The following SAMSN1 variants were observed in gnomAD, a reference collection of about 807,000 sequenced individuals.
SAMSN1 encodes the protein SAM domain, SH3 domain and nuclear localization signals 1.
A neutral mutation model predicts 42.0 loss-of-function variants in SAMSN1; 31 were observed. That is an observed-to-expected ratio of 0.74 (90% CI 0.55 to 1.00). The LOEUF is 1.00. SAMSN1 is among the 50% of genes least tolerant of loss of function. SAMSN1 has a pLI of 0.00. For missense variants in SAMSN1, 464 were observed against 439.4 expected (o/e 1.06, Z -0.50); for synonymous variants, 178 against 151.9 (o/e 1.17, Z -1.26).
chr21:14,648,971 G>A (rs373541557), intron 1 of SAMSN1, among the ~76,000 whole-genome samples: 267 of 149,456 alleles, frequency 1.8e-3, no homozygotes, highest in African/African-American at 5.7e-3. Flanking sequence ...ACATGCACAC[G>A]TATGTTTATT....
rs575883184 is a variant in SAMSN1 at position 14,554,070 on chromosome 21, G to A, written c.261+28066C>T. On this transcript the variant is annotated intron_variant, in intron 2 of 8. Transcript: ENST00000285670. Reference sequence around the variant, plus strand: ...ACCTTTTGTTTTCCAGGAAAATTCCGTTACTTTTTCTACTAATTACTATAA... The same window carrying A: ...ACCTTTTGTTTTCCAGGAAAATTCCATTACTTTTTCTACTAATTACTATAA... 6.6e-5 allele frequency among the ~76,000 whole-genome samples: 10 copies of A among 152,040 alleles called. 1 individual carries two copies. Among genetic ancestry groups the A allele is most frequent in the African/African-American group, 2.2e-4 (9 of 41,482 alleles).
intron 4 of SAMSN1, among the ~76,000 whole-genome samples, chr21:14,511,544 G>A (rs185390344): frequency 2.3e-4 from 35 of 152,214 alleles, no homozygotes; most frequent in Admixed American, 2.2e-3. Flanking sequence ...AGGAAAATAG[G>A]AATAAAACTC....
In SAMSN1 at chr21:14,658,747, C is replaced by T. The variant is rs1269195205; in HGVS notation, c.24+1G>A. ...TAAATGCTGCAAATAAAGGAACTTA[C>T]CAGCGAAATGCAGAAAAGATTCATT... On this transcript the variant is annotated splice_donor_variant, in intron 1 of 15. Transcript: ENST00000647101. LOFTEE classifies it high-confidence loss of function. The T allele has an allele frequency of 7.7e-5, 55 of 715,270 alleles. No individual in the cohort carries two copies. The highest frequency in any genetic ancestry group is 2.3e-4 in the Middle Eastern group (1 of 4,376). The allele number at this position is 715,270 out of a possible 1,614,324, so 44.3% of individuals were successfully genotyped here.
chr21:14,533,553 T>G (rs1979401476), intron 1 of SAMSN1, among the ~76,000 whole-genome samples: 1 of 152,226 alleles, frequency 6.6e-6, no homozygotes, highest in Non-Finnish European at 1.5e-5. Flanking sequence ...CACGTCTCTA[T>G]GTCCAGGGTC....
chr21:14,654,999 A>C (rs1256264314), intron 1 of SAMSN1, among the ~76,000 whole-genome samples: 1 of 152,000 alleles, frequency 6.6e-6, no homozygotes, highest in Non-Finnish European at 1.5e-5. Flanking sequence ...TTCCAGATGA[A>C]ATTAAAATCA....
At chr21:14,639,962 A>G (rs1426414500) in intron 2 of SAMSN1, among the ~76,000 whole-genome samples, 1 of 152,220 alleles carries the variant, frequency 6.6e-6, no homozygotes, top group Non-Finnish European at 1.5e-5. Context: ...TGCAATTAAA[A>G]TACAAACTAG....
At chr21:14,561,235 C>T (rs967217708) in intron 2 of SAMSN1, among the ~76,000 whole-genome samples, 1 of 152,016 alleles carries the variant, frequency 6.6e-6, no homozygotes, top group Non-Finnish European at 1.5e-5. Context: ...TTTTCAACAC[C>T]CTGTGATTTC....
At chr21:14,634,564 A>G (rs1275596149) in intron 2 of SAMSN1, among the ~76,000 whole-genome samples, 2 of 152,232 alleles carry the variant, frequency 1.3e-5, no homozygotes, top group Non-Finnish European at 2.9e-5. Context: ...ACATGAAGAA[A>G]GGCTCAACAT....
intron 2 of SAMSN1, among the ~76,000 whole-genome samples, chr21:14,573,694 C>T (rs1328844233): frequency 6.6e-6 from 1 of 152,160 alleles, no homozygotes; most frequent in African/African-American, 2.4e-5. Context: ...TTATCTTCCT[C>T]ATTGTATCCT....
chr21:14,521,420 T>C lies in SAMSN1; in HGVS notation c.58-199A>G, dbSNP rs190416577. ...TATATTTACAGTTGATCAAATGTCTTTCTACGCTTTTTGTCATAGCGTTAA... is the reference window on the plus strand; with the variant it reads ...TATATTTACAGTTGATCAAATGTCTCTCTACGCTTTTTGTCATAGCGTTAA... On this transcript the variant is annotated intron_variant, in intron 1 of 7. Transcript: ENST00000400566. Among the ~76,000 whole-genome samples the C allele has an allele frequency of 1.8e-3, 272 of 152,350 alleles. 1 individual carries two copies. In the Middle Eastern group the frequency reaches 0.02, roughly 11 times the overall value.
chr21:14,519,515 C>T (rs946990378), intron 2 of SAMSN1, among the ~76,000 whole-genome samples: 6 of 151,880 alleles, frequency 4.0e-5, no homozygotes, highest in Non-Finnish European at 8.8e-5. Flanking sequence ...CACACACACA[C>T]AAACACATAT....
intron 5 of SAMSN1, among the ~76,000 whole-genome samples, chr21:14,506,605 A>G (rs1987418239): frequency 6.6e-6 from 1 of 152,326 alleles, no homozygotes; most frequent in Non-Finnish European, 1.5e-5. Flanking sequence ...GCAGCATTCT[A>G]CCAGACATTC....
chr21:14,502,800 C>T (rs1987226452), intron 5 of SAMSN1, among the ~76,000 whole-genome samples: 1 of 152,096 alleles, frequency 6.6e-6, no homozygotes, highest in South Asian at 2.1e-4. Context: ...TTTTAATTCT[C>T]CAGTTGAGCT....
chr21:14,657,828 A>G (rs1983940476), intron 1 of SAMSN1, among the ~76,000 whole-genome samples: 1 of 151,838 alleles, frequency 6.6e-6, no homozygotes, highest in South Asian at 2.1e-4. Flanking sequence ...ATTTTTCAAG[A>G]TGCTCTAAGA....
intron 1 of SAMSN1, among the ~76,000 whole-genome samples, chr21:14,652,906 T>C (rs1162425907): frequency 2.0e-5 from 3 of 151,954 alleles, no homozygotes; most frequent in South Asian, 2.1e-4. Flanking sequence ...AAAGAGGACA[T>C]ACAAATGGCA....
chr21:14,519,099 C>A (rs1221522483), intron 2 of SAMSN1, among the ~76,000 whole-genome samples: 1 of 152,056 alleles, frequency 6.6e-6, no homozygotes, highest in Non-Finnish European at 1.5e-5. Flanking sequence ...AATTAAATTT[C>A]TATTTAAATA....
chr21:14,551,306 G>T (rs138889649), upstream of SAMSN1, among the ~76,000 whole-genome samples: 61 of 152,034 alleles, frequency 4.0e-4, no homozygotes, highest in African/African-American at 1.4e-3. Flanking sequence ...TAAATAGAAG[G>T]GACCAATGGC....
At chr21:14,549,043 G>A (rs1290060398), upstream of SAMSN1, among the ~76,000 whole-genome samples, 1 of 152,186 alleles carries the variant, frequency 6.6e-6, no homozygotes, top group Non-Finnish European at 1.5e-5. Context: ...TCTGTGTCAT[G>A]AATCATGAGT....
chr21:14,593,183 A>T (rs1044969309), intron 7 of SAMSN1, among the ~76,000 whole-genome samples: 2 of 152,144 alleles, frequency 1.3e-5, no homozygotes. Context: ...AGAGCTATAA[A>T]TAAAGATATC....
Sources: gnomAD v4.1 joint callset for allele counts (sites outside exome capture counted in the v4.1 genomes callset) on GRCh38, gnomAD v4.1.1 for gene constraint, MANE v1.5 for transcripts, NCBI Gene and HGNC (gene_info 2026-07-23, HGNC 2026-07-21) for gene names.